The following TBC1D4 variants were observed in gnomAD, a reference collection of about 807,000 sequenced individuals.
The protein encoded by TBC1D4 is TBC1 domain family member 4, also known as TBC (Tre-2, BUB2, CDC16) domain-containing protein.
A neutral mutation model predicts 142.5 loss-of-function variants in TBC1D4; 121 were observed. The observed-to-expected ratio is 0.85, with a 90% CI of 0.73 to 0.99. The LOEUF is 0.99. TBC1D4 is among the 50% of genes least tolerant of loss of function. TBC1D4 has a pLI of 0.00. For missense variants in TBC1D4, 1,475 were observed against 1,606.6 expected (o/e 0.92, Z 1.40); for synonymous variants, 630 against 628.2 (o/e 1.00, Z -0.04).
chr13:75,409,256 C>T (rs1201654813), intron 1 of TBC1D4, among the ~76,000 whole-genome samples: 1 of 152,144 alleles, frequency 6.6e-6, no homozygotes, highest in Non-Finnish European at 1.5e-5. Context: ...ACAGTAATGG[C>T]TGGTAATTGG....
At chr13:75,383,222 C>G (rs1883959004) in intron 1 of TBC1D4, among the ~76,000 whole-genome samples, 1 of 152,140 alleles carries the variant, frequency 6.6e-6, no homozygotes, top group African/African-American at 2.4e-5. Flanking sequence ...ACTCGGGAGG[C>G]TGAGGCACAA....
chr13:75,449,532 A>AAC lies in TBC1D4; in HGVS notation c.498+31736_498+31737dup, dbSNP rs34025489. Reference sequence around the variant, plus strand: ...AACTGAAACCTGAAAGTGAAACTGCAACACACACACACACACACACACAGA... The same window carrying AAC: ...AACTGAAACCTGAAAGTGAAACTGCAACACACACACACACACACACACACAGA... On this transcript the variant is annotated intron_variant, in intron 1 of 20. Transcript: ENST00000377636. Among the ~76,000 whole-genome samples the AAC allele has an allele frequency of 6.4e-3, 957 of 149,274 alleles. 13 individuals are homozygous for AAC. Among genetic ancestry groups the AAC allele is most frequent in the African/African-American group, 0.021 (853 of 40,558 alleles).
chr13:75,333,210 A>G (rs1879905113), intron 8 of TBC1D4, among the ~76,000 whole-genome samples: 1 of 152,156 alleles, frequency 6.6e-6, no homozygotes, highest in African/African-American at 2.4e-5. Flanking sequence ...CATCAAGGGT[A>G]CCTTTTGAAA....
chr13:75,370,859 C>A (rs1203298614), intron 1 of TBC1D4, among the ~76,000 whole-genome samples: 1 of 152,014 alleles, frequency 6.6e-6, no homozygotes, highest in Non-Finnish European at 1.5e-5. Context: ...TAGATGAGTT[C>A]ATCAAGAGTA....
intron 15 of TBC1D4, among the ~76,000 whole-genome samples, chr13:75,305,941 T>C (rs540834869): frequency 1.3e-5 from 2 of 152,300 alleles, no homozygotes; most frequent in Admixed American, 1.3e-4. Context: ...TATAAATACA[T>C]ACAAGTATAT....
chr13:75,451,404 T>A (rs1193180692), intron 1 of TBC1D4, among the ~76,000 whole-genome samples: 1 of 151,684 alleles, frequency 6.6e-6, no homozygotes, highest in Non-Finnish European at 1.5e-5. Context: ...AGGACTGTTT[T>A]CATTTAACTT....
chr13:75,293,746 A>G (rs1875583998), intron 18 of TBC1D4, among the ~76,000 whole-genome samples: 1 of 152,236 alleles, frequency 6.6e-6, no homozygotes, highest in African/African-American at 2.4e-5. Context: ...TTTAAACCAC[A>G]GCCCTCAATA....
chr13:75,312,414 G>GT (rs139240577), intron 13 of TBC1D4, among the ~76,000 whole-genome samples: 45,121 of 113,276 alleles, frequency 0.4, 8,410 homozygotes, highest in Non-Finnish European at 0.5. Context: ...CCCAATCTCT[G>GT]GGAAAAAAAA....
chr13:75,409,502 A>G (rs1045565916), intron 1 of TBC1D4, among the ~76,000 whole-genome samples: 1 of 152,152 alleles, frequency 6.6e-6, no homozygotes, highest in Non-Finnish European at 1.5e-5. Flanking sequence ...ATTTATTCAC[A>G]TTAAAGGTTC....
intron 1 of TBC1D4, among the ~76,000 whole-genome samples, chr13:75,369,264 CAGG>C (rs1417484422): frequency 6.6e-6 from 1 of 152,050 alleles, no homozygotes; most frequent in Non-Finnish European, 1.5e-5. Context: ...GAGGCCAAGG[CAGG>C]AGAACTGCTT....
chr13:75,477,449 C>A (rs1445216127), intron 1 of TBC1D4, among the ~76,000 whole-genome samples: 1 of 152,046 alleles, frequency 6.6e-6, no homozygotes, highest in Non-Finnish European at 1.5e-5. Flanking sequence ...GTAAATAATA[C>A]ACAAAAACAA....
chr13:75,466,381 T>C (rs1341426726), intron 1 of TBC1D4, among the ~76,000 whole-genome samples: 3 of 152,090 alleles, frequency 2.0e-5, no homozygotes, highest in Admixed American at 6.5e-5. Context: ...TTTTGTTCAT[T>C]GACAGCAAGA....
chr13:75,381,046 G>A (rs553172298), intron 1 of TBC1D4, among the ~76,000 whole-genome samples: 3 of 151,950 alleles, frequency 2.0e-5, no homozygotes, highest in South Asian at 4.2e-4. Flanking sequence ...TATAAAATAG[G>A]GATAATACCT....
chr13:75,311,805 A>G (rs1877785929), intron 13 of TBC1D4, among the ~76,000 whole-genome samples: 1 of 152,188 alleles, frequency 6.6e-6, no homozygotes, highest in East Asian at 1.9e-4. Context: ...AGATTTACTT[A>G]AAAATCTTTG....
intron 1 of TBC1D4, among the ~76,000 whole-genome samples, chr13:75,430,173 C>G (rs1886538415): frequency 6.6e-6 from 1 of 152,152 alleles, no homozygotes; most frequent in African/African-American, 2.4e-5. Context: ...GTAGCTACAT[C>G]TCACTGAAGA....
intron 1 of TBC1D4, among the ~76,000 whole-genome samples, chr13:75,480,045 CT>C (rs2138360905): frequency 1.3e-5 from 1 of 77,984 alleles, no homozygotes; most frequent in African/African-American, 4.2e-5. Flanking sequence ...AAAAAAAAAC[CT>C]ATTTTTCAAA....
intron 1 of TBC1D4, among the ~76,000 whole-genome samples, chr13:75,410,488 C>T (rs1885593168): frequency 6.6e-6 from 1 of 152,200 alleles, no homozygotes; most frequent in African/African-American, 2.4e-5. Context: ...TATAAATAAA[C>T]TCCACACGTG....
rs758326769 is a variant in TBC1D4, at chr13:75,341,215, G to A, written c.1521C>T (p.Asp507=). 2 of 1,613,438 alleles carry A rather than the reference G, an allele frequency of 1.2e-6. No individual in the cohort carries two copies. The highest frequency in any genetic ancestry group is 3.3e-5 in the Admixed American group (2 of 59,924). ...ERVQKMKPVS[D]QEENELVILH... The stretch of plus-strand genomic sequence containing the variant: ...AAATCACAAGTTCATTTTCTTCCTG[G>A]TCACTGACTGGCTTCATTTTCTGTT... Residue 507 remains aspartate, a synonymous_variant, in exon 7 of 21, where the codon GAC becomes GAT. Coordinates refer to ENST00000377636, the MANE Select transcript of TBC1D4 (RefSeq NM_014832.5).
rs762845935 is a variant in TBC1D4 at position 75,288,982 on chromosome 13, G to C, written c.3615C>G (p.Ala1205=). The C allele has an allele frequency of 6.2e-7, 1 of 1,613,778 alleles. No individual in the cohort carries two copies. Among genetic ancestry groups the C allele is most frequent in the South Asian group, 1.1e-5 (1 of 91,070 alleles). Residue 1205 remains alanine, a synonymous_variant, in exon 20 of 21, where the codon GCC becomes GCG. Transcript: ENST00000377636. The stretch of plus-strand genomic sequence containing the variant: ...TGTTTTGTCTTTTCAGTTGGCTATT[G>C]GCCCTCTCCAGCTTCTCCAAAGTTT... ...DSETLEKLER[A]NSQLKRQNMD...
Sources: allele counts gnomAD v4.1 joint callset (sites outside exome capture counted in the v4.1 genomes callset), GRCh38; gene constraint gnomAD v4.1.1; transcripts MANE v1.5; gene names NCBI Gene and HGNC (gene_info 2026-07-23, HGNC 2026-07-21).